Variants in NAV2 observed in about 807,000 individuals in gnomAD.
NAV2 encodes the protein helicase, APC down-regulated 1.
NAV2 carries 54 observed loss-of-function variants against 223.2 expected under a neutral mutation model. The observed-to-expected ratio is 0.24, with a 90% CI of 0.19 to 0.30. The LOEUF is 0.30. Among genes scored for constraint, NAV2 ranks in the 10% least tolerant of loss-of-function variants. NAV2 has a pLI of 1.00. For synonymous variants in NAV2, 1,279 were observed against 1,239.3 expected (o/e 1.03, Z -0.67); for missense variants, 2,806 against 3,147.5 (o/e 0.89, Z 2.60).
At chr11:19,661,250 C>T (rs2048274671) in intron 1 of NAV2, among the ~76,000 whole-genome samples, 1 of 152,152 alleles carries the variant, frequency 6.6e-6, no homozygotes, top group Non-Finnish European at 1.5e-5. Flanking sequence ...CTTTAAGGCT[C>T]ATCTATGTTG....
At chr11:19,686,947 C>G (rs1426138589) in intron 1 of NAV2, among the ~76,000 whole-genome samples, 1 of 152,176 alleles carries the variant, frequency 6.6e-6, no homozygotes, top group African/African-American at 2.4e-5. Context: ...CTATTATTAG[C>G]CCCATTTTAC....
At chr11:19,599,672 A>T (rs1485475161) in intron 1 of NAV2, among the ~76,000 whole-genome samples, 1 of 152,202 alleles carries the variant, frequency 6.6e-6, no homozygotes, top group Non-Finnish European at 1.5e-5. Flanking sequence ...GTTTCAAGGA[A>T]TGCTTCTGTA....
rs1369409175 is a variant in NAV2, at chr11:19,615,585, CAG to C, written c.76-216898_76-216897del. 1.2e-4 allele frequency among the ~76,000 whole-genome samples: 19 copies of C among 152,178 alleles called. 1 individual carries two copies. The South Asian group carries it at 2.1e-3, about 17-fold the overall frequency. ...AAATGCAAAACAGTGGCTAGGCGCT[CAG>C]TGCTAGACATTCATTATATACATAT... is the stretch of plus-strand genomic sequence containing the variant. On this transcript the variant is annotated intron_variant, in intron 1 of 37. Transcript: ENST00000360655.
intron 11 of NAV2, among the ~76,000 whole-genome samples, chr11:20,031,605 C>T (rs899074097): frequency 2.6e-5 from 4 of 152,186 alleles, no homozygotes; most frequent in African/African-American, 9.6e-5. Flanking sequence ...GGCACTCAAG[C>T]GATGTCAAAG....
chr11:20,029,992 AG>A (rs1266980933), intron 11 of NAV2, among the ~76,000 whole-genome samples: 1 of 152,214 alleles, frequency 6.6e-6, no homozygotes, highest in East Asian at 1.9e-4. Context: ...CAGCCAAAGA[AG>A]TCAGGTATAT....
chr11:19,800,227 T>C (rs987218066), intron 1 of NAV2, among the ~76,000 whole-genome samples: 1 of 152,146 alleles, frequency 6.6e-6, no homozygotes, highest in Non-Finnish European at 1.5e-5. Context: ...CGCTGGCAGT[T>C]CTGTATAGGG....
chr11:19,429,963 A>T (rs1409885900), intron 1 of NAV2, among the ~76,000 whole-genome samples: 1 of 152,182 alleles, frequency 6.6e-6, no homozygotes, highest in South Asian at 2.1e-4. Context: ...CCTCATCTTG[A>T]GTAATTAGAA....
rs140112560 is a variant in NAV2 at position 19,744,665 on chromosome 11, A to G, written c.267+30703A>G. The stretch of plus-strand genomic sequence containing the variant: ...CCCCACTGTCTCAGAAATCACCTCT[A>G]TGAACAGTTTCTTGTGCATCATTCC... On this transcript the variant is annotated intron_variant, in intron 1 of 37. Coordinates refer to ENST00000349880, the MANE Select transcript of NAV2 (RefSeq NM_145117.5). Among the ~76,000 whole-genome samples the G allele has an allele frequency of 5.9e-5, 9 of 152,306 alleles. No homozygotes were observed. In the South Asian group the frequency reaches 1.0e-3, roughly 18 times the overall value.
intron 1 of NAV2, among the ~76,000 whole-genome samples, chr11:19,484,277 G>A (rs1006279160): frequency 2.0e-5 from 3 of 152,056 alleles, no homozygotes; most frequent in Non-Finnish European, 4.4e-5. Flanking sequence ...CTTTGGGGTC[G>A]GTGACCTCTG....
intron 4 of NAV2, 149 bp downstream of exon 4, chr11:19,869,146 G>C: frequency 1.4e-6 from 1 of 726,754 alleles, no homozygotes; most frequent in Admixed American, 2.6e-5. Flanking sequence ...TGGTTGCCTA[G>C]ACTTGAGGAT....
intron 10 of NAV2, among the ~76,000 whole-genome samples, chr11:19,983,728 G>C (rs2050504689): frequency 6.6e-6 from 1 of 152,016 alleles, no homozygotes; most frequent in Non-Finnish European, 1.5e-5. Flanking sequence ...TAATATTATT[G>C]CCTATGATTT....
At chr11:19,897,239 G>C (rs146448517) in intron 6 of NAV2, among the ~76,000 whole-genome samples, 8,426 of 152,174 alleles carry the variant, frequency 0.055, 319 homozygotes, top group Non-Finnish European at 0.085. Context: ...GTTGTGGGGT[G>C]GGGGGAGGAG....
intron 1 of NAV2, among the ~76,000 whole-genome samples, chr11:19,696,203 A>G (rs886093103): frequency 1.3e-5 from 2 of 152,354 alleles, no homozygotes; most frequent in African/African-American, 2.4e-5. Context: ...CTTGCCACCA[A>G]CGCCATTGTG....
intron 1 of NAV2, among the ~76,000 whole-genome samples, chr11:19,733,726 G>T (rs2052022026): frequency 6.6e-6 from 1 of 152,116 alleles, no homozygotes; most frequent in Admixed American, 6.6e-5. Context: ...GTAGGGGAAG[G>T]CGGGCTGAAA....
intron 1 of NAV2, among the ~76,000 whole-genome samples, chr11:19,577,171 CTTTA>C (rs1166661507): frequency 6.6e-6 from 1 of 152,230 alleles, no homozygotes; most frequent in African/African-American, 2.4e-5. Flanking sequence ...CTAAGCATAT[CTTTA>C]TTTATCACAT....
At chr11:19,417,247 C>T (rs1590165933) in intron 1 of NAV2, among the ~76,000 whole-genome samples, 2 of 152,164 alleles carry the variant, frequency 1.3e-5, no homozygotes, top group South Asian at 2.1e-4. Context: ...AACAAATTTA[C>T]CAGAAAAAAA....
chr11:19,845,044 G>T (rs1462396486), intron 3 of NAV2, among the ~76,000 whole-genome samples: 3 of 152,128 alleles, frequency 2.0e-5, no homozygotes, highest in African/African-American at 7.2e-5. Flanking sequence ...TAGGATCATT[G>T]TTCTTGCCCC....
At chr11:19,971,390 G>T (rs1161895716) in intron 10 of NAV2, among the ~76,000 whole-genome samples, 1 of 151,992 alleles carries the variant, frequency 6.6e-6, no homozygotes, top group Non-Finnish European at 1.5e-5. Context: ...TCTTTTTAGG[G>T]GGCAAGGGGA....
At chr11:19,539,873 C>T (rs929748713) in intron 1 of NAV2, among the ~76,000 whole-genome samples, 9 of 152,200 alleles carry the variant, frequency 5.9e-5, no homozygotes, top group Non-Finnish European at 7.3e-5. Flanking sequence ...GATAATCAAA[C>T]GAATGGCTGC....
Sources: allele counts gnomAD v4.1 joint callset (sites outside exome capture counted in the v4.1 genomes callset), GRCh38; gene constraint gnomAD v4.1.1; transcripts MANE v1.5; gene names NCBI Gene and HGNC (gene_info 2026-07-23, HGNC 2026-07-21).